Variants in TAB2 observed in about 807,000 individuals in gnomAD.
TAB2 encodes TGF-beta-activated kinase 1 and MAP3K7-binding protein 2.
A neutral mutation model predicts 65.0 loss-of-function variants in TAB2; 3 were observed. That is an observed-to-expected ratio of 0.05 (90% CI 0.02 to 0.12). TAB2 has a LOEUF of 0.12. TAB2 is among the 10% of genes least tolerant of loss of function. TAB2 has a pLI of 1.00. For synonymous variants in TAB2, 298 were observed against 285.1 expected, an observed-to-expected ratio of 1.05 and a Z score of -0.46; for missense variants, 623 against 840.3, an observed-to-expected ratio of 0.74 and a Z score of 3.20.
chr6:149,369,503 C>T (rs899908318), intron 1 of TAB2, among the ~76,000 whole-genome samples: 2 of 152,002 alleles, frequency 1.3e-5, no homozygotes, highest in East Asian at 1.9e-4. Flanking sequence ...TTAGACAAAA[C>T]GGAGTCATTT....
intron 1 of TAB2, among the ~76,000 whole-genome samples, chr6:149,235,000 C>T (rs183154394): frequency 7.2e-5 from 11 of 152,138 alleles, no homozygotes; most frequent in Admixed American, 7.2e-4. Context: ...TGCAAAAATA[C>T]AAGATGAGGA....
At chr6:149,332,430 T>G (rs1312158388) in intron 1 of TAB2, among the ~76,000 whole-genome samples, 1 of 152,140 alleles carries the variant, frequency 6.6e-6, no homozygotes, top group Non-Finnish European at 1.5e-5. Flanking sequence ...TGTGAAAATT[T>G]GGATTAGTTC....
chr6:149,357,430 A>AAAAAAAAAAAC lies in TAB2; in HGVS notation c.-89-12478_-89-12477insAAAAAAAAACA. Among the ~76,000 whole-genome samples the AAAAAAAAAAAC allele has an allele frequency of 3.9e-4, 43 of 111,174 alleles. No homozygotes were observed. The East Asian group carries it at 5.0e-3, about 13-fold the overall frequency. The allele number at this position is 111,174 out of a possible 152,430, so 72.9% of individuals were successfully genotyped here. On this transcript the variant is annotated intron_variant, in intron 1 of 6. Transcript: ENST00000637181. Reference sequence around the variant, plus strand: ...GACTCCGTCTCAAGGAGAAAAAAAAAACACACACACACACACACACACACA... The same window carrying AAAAAAAAAAAC: ...GACTCCGTCTCAAGGAGAAAAAAAAAAAAAAAAAAACACACACACACACACACACACACACA...
At chr6:149,303,626 C>T (rs140314145) in intron 1 of TAB2, among the ~76,000 whole-genome samples, 1 of 152,178 alleles carries the variant, frequency 6.6e-6, no homozygotes, top group African/African-American at 2.4e-5. Context: ...TCTTAAAGTT[C>T]TACAATAAAT....
At chr6:149,325,381 A>C (rs769027636) in intron 1 of TAB2, among the ~76,000 whole-genome samples, 8 of 152,220 alleles carry the variant, frequency 5.3e-5, no homozygotes, top group Admixed American at 1.3e-4. Context: ...TTTTTCTTCA[A>C]GGTATCTGTC....
At chr6:149,340,854 G>A (rs1780098979) in intron 1 of TAB2, among the ~76,000 whole-genome samples, 1 of 152,046 alleles carries the variant, frequency 6.6e-6, no homozygotes, top group Non-Finnish European at 1.5e-5. Context: ...ACAACTATAA[G>A]GAAATCATTT....
chr6:149,279,459 T>C (rs910404494), intron 1 of TAB2, among the ~76,000 whole-genome samples: 1 of 152,180 alleles, frequency 6.6e-6, no homozygotes, highest in African/African-American at 2.4e-5. Context: ...ATGCCAGTGG[T>C]TCTCAAGTGA....
At chr6:149,285,957 A>G (rs1307436007) in intron 1 of TAB2, among the ~76,000 whole-genome samples, 1 of 152,224 alleles carries the variant, frequency 6.6e-6, no homozygotes, top group Non-Finnish European at 1.5e-5. Flanking sequence ...CCACTGCTCT[A>G]AAGAATACAC....
At chr6:149,317,074 G>A (rs1264081101), upstream of TAB2, among the ~76,000 whole-genome samples, 3 of 150,292 alleles carry the variant, frequency 2.0e-5, no homozygotes, top group African/African-American at 7.3e-5. The surrounding 1 kb of genome is among the most constrained non-coding windows in gnomAD (Gnocchi z 4.7). Flanking sequence ...CCCGCGCGGC[G>A]CCGCCGGCCG....
At chr6:149,296,858 T>C (rs1433657536) in intron 1 of TAB2, among the ~76,000 whole-genome samples, 1 of 152,320 alleles carries the variant, frequency 6.6e-6, no homozygotes, top group South Asian at 2.1e-4. Context: ...TGAACACAGA[T>C]ATTTCTAGCA....
intron 1 of TAB2, among the ~76,000 whole-genome samples, chr6:149,229,290 A>C (rs965743436): frequency 3.9e-5 from 6 of 152,168 alleles, no homozygotes; most frequent in Non-Finnish European, 8.8e-5. Flanking sequence ...AATAAGGCTG[A>C]AACTGTCAAC....
intron 1 of TAB2, among the ~76,000 whole-genome samples, chr6:149,280,298 C>A (rs780850017): frequency 6.6e-6 from 1 of 152,176 alleles, no homozygotes; most frequent in African/African-American, 2.4e-5. Context: ...GATGCTCATG[C>A]AGTGTGAGGG....
At chr6:149,345,687 T>C (rs1359373645) in intron 1 of TAB2, among the ~76,000 whole-genome samples, 1 of 152,162 alleles carries the variant, frequency 6.6e-6, no homozygotes, top group African/African-American at 2.4e-5. Flanking sequence ...TATACAATCA[T>C]ATAAAAATAT....
chr6:149,400,793 GTTTTCTCTATTC>G, intron 6 of TAB2: 1 of 1,158,190 alleles, frequency 8.6e-7, no homozygotes. Flanking sequence ...CTACAGTATA[GTTTTCTCTATTC>G]TTTTGTTTCC....
intron 2 of TAB2, among the ~76,000 whole-genome samples, chr6:149,377,091 A>C (rs1781425461): frequency 6.9e-6 from 1 of 144,626 alleles, no homozygotes; most frequent in Non-Finnish European, 1.5e-5. Flanking sequence ...TTTTTTTGAG[A>C]CAGAGTCTCG....
chr6:149,385,417 C>T (rs894457926), intron 3 of TAB2, among the ~76,000 whole-genome samples: 2 of 152,194 alleles, frequency 1.3e-5, no homozygotes, highest in Non-Finnish European at 2.9e-5. Flanking sequence ...GTTCGAGCTA[C>T]TCGGGAGTCT....
intron 6 of TAB2, among the ~76,000 whole-genome samples, chr6:149,404,316 T>G (rs1782589098): frequency 6.6e-6 from 1 of 152,138 alleles, no homozygotes; most frequent in African/African-American, 2.4e-5. Context: ...AAACGTAGCC[T>G]GTGTTTATGG....
chr6:149,272,696 G>A (rs1778385482), intron 1 of TAB2, among the ~76,000 whole-genome samples: 1 of 152,202 alleles, frequency 6.6e-6, no homozygotes, highest in South Asian at 2.1e-4. Context: ...ATATAAGGTA[G>A]CATATTCACA....
rs774596714 is a variant in TAB2 at position 149,378,268 on chromosome 6, A to G, written c.353A>G (p.Asn118Ser). ...GGACAACTTCAAGGTGGCCAGTCCAATAGTGAACTATTTCAGCAGGAGCCA... is the reference window on the plus strand; with the variant it reads ...GGACAACTTCAAGGTGGCCAGTCCAGTAGTGAACTATTTCAGCAGGAGCCA... Reference protein sequence around the residue: ...SDGQLQGGQSNSELFQQEPQT... With the variant: ...SDGQLQGGQSSSELFQQEPQT... Residue 118 changes from asparagine to serine, a missense_variant, in exon 3 of 7, where the codon AAT becomes AGT. Physicochemically the swap from Asn to Ser is conservative, Grantham distance 46 (BLOSUM62 1). Around this residue, in one of 3 missense-constraint regions of TAB2, gnomAD observed 550 missense variants for 665.7 expected, o/e 0.83. Transcript: ENST00000637181. The G allele has an allele frequency of 9.9e-6, 16 of 1,614,124 alleles. No individual in the cohort carries two copies. The Middle Eastern group carries it at 4.9e-4, about 50-fold the overall frequency.
Sources: allele counts gnomAD v4.1 joint callset (sites outside exome capture counted in the v4.1 genomes callset), GRCh38; gene constraint gnomAD v4.1.1; regional missense constraint gnomAD v4.1.1; non-coding constraint Gnocchi (gnomAD v3.1); transcripts MANE v1.5; gene names NCBI Gene and HGNC (gene_info 2026-07-23, HGNC 2026-07-21).